TRIM44: variants seen among roughly 807,000 people sequenced by gnomAD.
TRIM44 encodes the protein tripartite motif containing 44.
A neutral mutation model predicts 37.4 loss-of-function variants in TRIM44; 13 were observed. That is an observed-to-expected ratio of 0.35 (90% CI 0.23 to 0.55). TRIM44 has a LOEUF of 0.55. TRIM44 is among the 20% of genes least tolerant of loss of function. TRIM44 has a pLI of 0.89. For missense variants in TRIM44, 426 were observed against 437.2 expected (o/e 0.97, Z 0.23); for synonymous variants, 175 against 157.2 (o/e 1.11, Z -0.85).
chr11:35,802,176 T>C (rs1853379878), intron 4 of TRIM44, among the ~76,000 whole-genome samples: 1 of 152,182 alleles, frequency 6.6e-6, no homozygotes, highest in South Asian at 2.1e-4. Context: ...TTTTTTTCAA[T>C]ACAAATAAAC....
rs1234215317 is a variant in TRIM44 at position 35,810,547 on chromosome 11, T to C, written c.*4162T>C. ...ATAAGACTCAGGCAGTTCTTGATTC[T>C]GGAGGCCTGCCTGGTAAGATAAGAT... is the stretch of plus-strand genomic sequence containing the variant. On this transcript the variant is annotated 3_prime_UTR_variant, in exon 5 of 5. Coordinates refer to ENST00000299413, the MANE Select transcript of TRIM44 (RefSeq NM_017583.6). 1.3e-5 allele frequency: 2 copies of C among 152,182 alleles called. No individual in the cohort carries two copies. The highest frequency in any genetic ancestry group is 2.4e-5 in the African/African-American group (1 of 41,446). 9.4% of individuals were successfully genotyped at this position (152,182 alleles called of 1,614,324 possible). A position where few individuals can be genotyped will look rare whatever the true frequency, so the allele number is the denominator to read the frequency against.
chr11:35,741,430 A>AT (rs1329631150), intron 4 of TRIM44, among the ~76,000 whole-genome samples: 1 of 152,208 alleles, frequency 6.6e-6, no homozygotes, highest in African/African-American at 2.4e-5. Context: ...GCATGTTAGT[A>AT]TATTAACCAG....
intron 4 of TRIM44, among the ~76,000 whole-genome samples, chr11:35,755,862 A>G (rs1422821215): frequency 2.0e-5 from 3 of 152,138 alleles, no homozygotes; most frequent in South Asian, 2.1e-4. Context: ...CCATTGGTCT[A>G]TATCTCTGTT....
chr11:35,684,127 C>G (rs768532132), intron 1 of TRIM44, among the ~76,000 whole-genome samples: 1 of 152,076 alleles, frequency 6.6e-6, no homozygotes, highest in Non-Finnish European at 1.5e-5. Flanking sequence ...CACTAGGGCT[C>G]TAGTCTGTGC....
At chr11:35,758,388 T>C (rs1294090091) in intron 4 of TRIM44, among the ~76,000 whole-genome samples, 1 of 152,220 alleles carries the variant, frequency 6.6e-6, no homozygotes, top group African/African-American at 2.4e-5. Context: ...TGAGCCTATG[T>C]GTGTCTCTGC....
At chr11:35,756,831 C>A (rs1293538466) in intron 4 of TRIM44, among the ~76,000 whole-genome samples, 1 of 152,222 alleles carries the variant, frequency 6.6e-6, no homozygotes, top group South Asian at 2.1e-4. Flanking sequence ...TATGTGGAAC[C>A]AGCCTTGCAT....
intron 4 of TRIM44, among the ~76,000 whole-genome samples, chr11:35,797,668 G>A (rs1196173457): frequency 6.6e-6 from 1 of 152,166 alleles, no homozygotes; most frequent in African/African-American, 2.4e-5. Context: ...ACATCAGACA[G>A]CTTCCGATTG....
At chr11:35,750,251 A>G (rs1852543435) in intron 4 of TRIM44, among the ~76,000 whole-genome samples, 1 of 152,184 alleles carries the variant, frequency 6.6e-6, no homozygotes. Flanking sequence ...CATGGCGCTT[A>G]CCACATTGTG....
Position 35,662,775 on chromosome 11 carries a change from G to C in TRIM44, c.-337G>C, listed in dbSNP as rs1174454515. ...GTGGAACCGGGGCGGCGCGGGGGCC[G>C]GCGGCTGCCGCGATCTCTCCCTGGT... On this transcript the variant is annotated 5_prime_UTR_variant, in exon 1 of 5. Transcript: ENST00000299413. The C allele has an allele frequency of 4.8e-6, 1 of 206,294 alleles. No homozygotes were observed. The highest frequency in any genetic ancestry group is 1.1e-4 in the East Asian group (1 of 9,328). 12.8% of individuals were successfully genotyped at this position (206,294 alleles called of 1,614,324 possible).
intron 4 of TRIM44, among the ~76,000 whole-genome samples, chr11:35,766,837 C>T (rs1049851176): frequency 6.6e-6 from 1 of 152,178 alleles, no homozygotes. Context: ...TGGATACTTA[C>T]AAGGGGCACA....
intron 4 of TRIM44, among the ~76,000 whole-genome samples, chr11:35,799,039 A>C (rs971310007): frequency 3.9e-5 from 6 of 152,242 alleles, no homozygotes; most frequent in African/African-American, 1.4e-4. Context: ...AAATGATTCT[A>C]TTCTAAATCC....
chr11:35,717,664 A>G (rs1364628977), intron 2 of TRIM44, among the ~76,000 whole-genome samples: 1 of 152,144 alleles, frequency 6.6e-6, no homozygotes, highest in Non-Finnish European at 1.5e-5. Flanking sequence ...AAGTGAACCC[A>G]CTGGGCGGTT....
At chr11:35,720,407 G>A (rs1279777845) in intron 2 of TRIM44, among the ~76,000 whole-genome samples, 2 of 149,528 alleles carry the variant, frequency 1.3e-5, no homozygotes, top group South Asian at 2.1e-4. Context: ...GGTTCCAGGA[G>A]GTTTTTTTCT....
rs1402844543 is a variant in TRIM44, at chr11:35,810,050, A to G, written c.*3665A>G. 2.0e-5 allele frequency: 3 copies of G among 152,150 alleles called. No individual in the cohort carries two copies. The highest frequency in any genetic ancestry group is 2.9e-5 in the Non-Finnish European group (2 of 68,026). The allele number at this position is 152,150 out of a possible 1,614,324, so 9.4% of individuals were successfully genotyped here. A position where few individuals can be genotyped will look rare whatever the true frequency, so the allele number is the denominator to read the frequency against. ...GAGCAATTCCCTAGCAAAGGTCATT[A>G]GCTCCTAAGGCACTGAGTCAAAGTG... On this transcript the variant is annotated 3_prime_UTR_variant, in exon 5 of 5. Transcript: ENST00000299413.
chr11:35,774,100 T>A (rs1028712079), intron 4 of TRIM44, among the ~76,000 whole-genome samples: 12 of 152,316 alleles, frequency 7.9e-5, no homozygotes, highest in Admixed American at 6.5e-4. Flanking sequence ...AGTGTAAAAG[T>A]GTTCCTATTT....
intron 4 of TRIM44, among the ~76,000 whole-genome samples, chr11:35,773,641 G>T (rs1477954281): frequency 6.6e-6 from 1 of 151,894 alleles, no homozygotes; most frequent in East Asian, 1.9e-4. Flanking sequence ...CCCACAACAG[G>T]CCCCGGTGTG....
In TRIM44 at chr11:35,707,610, A is replaced by G. The variant is rs1012120845; in HGVS notation, c.748-18314A>G. On this transcript the variant is annotated intron_variant, in intron 2 of 4. Transcript: ENST00000299413. Reference sequence around the variant, plus strand: ...AAAGAGCCCTCAGAAATAACGCCGCATATCTACAACTATCTGTTCTTTGAC... The same window carrying G: ...AAAGAGCCCTCAGAAATAACGCCGCGTATCTACAACTATCTGTTCTTTGAC... Among the ~76,000 whole-genome samples, 16 of 141,940 alleles carry G rather than the reference A, an allele frequency of 1.1e-4. 2 individuals are homozygous for G. Among genetic ancestry groups the G allele is most frequent in the Non-Finnish European group, 2.4e-4 (15 of 62,262 alleles). 93.1% of individuals were successfully genotyped at this position (141,940 alleles called of 152,430 possible).
intron 4 of TRIM44, among the ~76,000 whole-genome samples, chr11:35,800,796 A>G (rs1054051207): frequency 1.1e-4 from 17 of 152,198 alleles, no homozygotes; most frequent in African/African-American, 3.9e-4. Context: ...GCAAGTCTAT[A>G]TGTTGGAGGG....
chr11:35,688,526 A>C (rs972542403), intron 2 of TRIM44, among the ~76,000 whole-genome samples: 1 of 152,196 alleles, frequency 6.6e-6, no homozygotes, highest in African/African-American at 2.4e-5. Context: ...GTACCTTTTC[A>C]AAATTCTTTT....
Sources: allele counts gnomAD v4.1 joint callset (sites outside exome capture counted in the v4.1 genomes callset), GRCh38; gene constraint gnomAD v4.1.1; transcripts MANE v1.5; gene names NCBI Gene and HGNC (gene_info 2026-07-23, HGNC 2026-07-21).